The following SLC12A6 variants were observed in gnomAD, a reference collection of about 807,000 sequenced individuals.
SLC12A6 encodes the protein K-Cl cotransporter 3.
In SLC12A6, 66 loss-of-function variants were observed where a neutral mutation model predicts 135.3. The ratio of observed to expected loss-of-function variants is 0.49; its 90% CI spans 0.40 to 0.60. The LOEUF is 0.60. SLC12A6 is among the 20% of genes least tolerant of loss of function. The probability of loss-of-function intolerance (pLI) is 0.00; values close to 1 mark genes in which losing one functional copy is unlikely to be tolerated. For synonymous variants in SLC12A6, 513 were observed against 508.8 expected (o/e 1.01, Z -0.11); for missense variants, 1,058 against 1,452.3 (o/e 0.73, Z 4.41).
chr15:34,243,342 A>C (rs1039342473), intron 16 of SLC12A6, among the ~76,000 whole-genome samples: 2 of 152,238 alleles, frequency 1.3e-5, no homozygotes, highest in Non-Finnish European at 2.9e-5. Context: ...GAAAGTTAGC[A>C]AAGAAGAATG....
rs1426374277 is a variant in SLC12A6 at position 34,237,542 on chromosome 15, T to C, written c.2811A>G (p.Arg937=). ...CTGTGAAGATCCGTATGCTGCACTT[T>C]CGCCACACCTGAGAGAGTGACATAC... ...PFLLKQHKVW[R]KCSIRIFTVA... is the part of the protein sequence containing the mutation. Residue 937 remains arginine, a synonymous_variant, in exon 22 of 26, where the codon CGA becomes CGG. Transcript: ENST00000354181. The C allele has an allele frequency of 3.1e-6, 5 of 1,612,438 alleles. No individual in the cohort carries two copies. In the South Asian group the frequency reaches 3.3e-5, roughly 11 times the overall value.
chr15:34,255,688 T>G (rs1207580136), intron 7 of SLC12A6, among the ~76,000 whole-genome samples: 1 of 152,110 alleles, frequency 6.6e-6, no homozygotes, highest in Non-Finnish European at 1.5e-5. Context: ...AAATATATTC[T>G]GGCTGGGTGT....
At chr15:34,310,174 AGTGTGTGT>A (rs60783164) in intron 2 of SLC12A6, among the ~76,000 whole-genome samples, 7,800 of 127,830 alleles carry the variant, frequency 0.061, 939 homozygotes, top group African/African-American at 0.24. Flanking sequence ...ACGCCCAGCT[AGTGTGTGT>A]GTGTGTGTGT....
chr15:34,254,678 G>A, intron 8 of SLC12A6, 89 bp from the exon 9 acceptor site: 1 of 1,012,638 alleles, frequency 9.9e-7, no homozygotes, highest in Non-Finnish European at 1.5e-6. Context: ...TTTCACAAAA[G>A]AAAGCAAAGC....
chr15:34,291,657 A>G (rs1165588537), intron 2 of SLC12A6, among the ~76,000 whole-genome samples: 1 of 151,938 alleles, frequency 6.6e-6, no homozygotes, highest in Non-Finnish European at 1.5e-5. Context: ...ATAGTCCCAT[A>G]TTTCTTGGAG....
chr15:34,299,514 G>A (rs1371059965), intron 2 of SLC12A6: 1 of 152,182 alleles, frequency 6.6e-6, no homozygotes, highest in Non-Finnish European at 1.5e-5. Flanking sequence ...TGCAGTGGGT[G>A]ACTAAAGTAC....
At chr15:34,254,232 CTG>C (rs1296659679) in intron 9 of SLC12A6, 114 bp downstream of exon 9, 1 of 1,100,490 alleles carries the variant, frequency 9.1e-7, no homozygotes, top group East Asian at 2.3e-5. Context: ...CTGGGCTTAT[CTG>C]AGAGGGAAAA....
intron 3 of SLC12A6, among the ~76,000 whole-genome samples, chr15:34,270,679 T>C (rs1893853234): frequency 6.6e-6 from 1 of 152,020 alleles, no homozygotes; most frequent in Non-Finnish European, 1.5e-5. Flanking sequence ...GGTGGGTCCC[T>C]GTAATCCCAG....
intron 6 of SLC12A6, among the ~76,000 whole-genome samples, chr15:34,256,687 C>A (rs1892771557): frequency 1.3e-5 from 2 of 152,190 alleles, no homozygotes; most frequent in African/African-American, 4.8e-5. Context: ...TCACTGAAGG[C>A]TTCTGAGCAC....
At position 34,235,412 on chromosome 15, in the gene SLC12A6, T is replaced by G. The variant is rs1242423050; in HGVS notation, c.3228-98A>C. 5.6e-6 allele frequency: 5 copies of G among 891,454 alleles called. 1 individual carries two copies. The highest frequency in any genetic ancestry group is 8.9e-6 in the Non-Finnish European group (5 of 561,242). The allele number at this position is 891,454 out of a possible 1,614,324, so 55.2% of individuals were successfully genotyped here. A position where few individuals can be genotyped will look rare whatever the true frequency, so the allele number is the denominator to read the frequency against. ...GATCCTGAGCTTTTTCACTTGACTA[T>G]GGATAATCTGATAAAATGATTTTTT... On this transcript the variant is annotated intron_variant, in intron 24 of 25. Transcript: ENST00000354181.
chr15:34,330,399 G>A (rs1012491259), intron 2 of SLC12A6, among the ~76,000 whole-genome samples: 30 of 152,140 alleles, frequency 2.0e-4, no homozygotes, highest in South Asian at 6.2e-4. Context: ...CCAGCTGGGC[G>A]CGGTGGCTCA....
intron 4 of SLC12A6, among the ~76,000 whole-genome samples, chr15:34,260,337 C>A (rs1893029405): frequency 6.6e-6 from 1 of 152,218 alleles, no homozygotes; most frequent in Non-Finnish European, 1.5e-5. Flanking sequence ...TGGCTCACTG[C>A]AAGCTCTGCC....
chr15:34,238,050 T>A (rs894539115), intron 21 of SLC12A6, among the ~76,000 whole-genome samples, 182 bp downstream of exon 21: 3 of 152,172 alleles, frequency 2.0e-5, no homozygotes, highest in African/African-American at 7.2e-5. Flanking sequence ...TAAGTAGGTA[T>A]CAAATACAAA....
rs1890884549 is a variant in SLC12A6 at position 34,230,987 on chromosome 15, C to G, written c.*2894G>C. 2 of 152,170 alleles carry G rather than the reference C, an allele frequency of 1.3e-5. No homozygotes were observed. Among genetic ancestry groups the G allele is most frequent in the South Asian group, 4.1e-4 (2 of 4,836 alleles). 9.4% of individuals were successfully genotyped at this position (152,170 alleles called of 1,614,324 possible). A position where few individuals can be genotyped will look rare whatever the true frequency, so the allele number is the denominator to read the frequency against. ...TTCTACATGGAAAAAAAAAATATTA[C>G]TTTGGCCAGGGGTGTGTGTAAATGT... On this transcript the variant is annotated 3_prime_UTR_variant, in exon 26 of 26. Coordinates refer to ENST00000354181, the MANE Select transcript of SLC12A6 (RefSeq NM_001365088.1).
At chr15:34,285,717 T>TGTGTATACACACACACACACACACA (rs144158165) in intron 2 of SLC12A6, among the ~76,000 whole-genome samples, 2 of 131,106 alleles carry the variant, frequency 1.5e-5, no homozygotes, top group African/African-American at 6.0e-5. Context: ...TGTGTGTTTG[T>TGTGTATACACACACACACACACACA]CATACATAAA....
chr15:34,318,443 C>T (rs1888806921), intron 2 of SLC12A6: 5 of 841,024 alleles, frequency 5.9e-6, no homozygotes, highest in Non-Finnish European at 1.0e-5. Context: ...AACTGAAAAA[C>T]ACCTCAACCA....
At chr15:34,298,460 G>A (rs906661962) in intron 2 of SLC12A6, among the ~76,000 whole-genome samples, 1 of 151,110 alleles carries the variant, frequency 6.6e-6, no homozygotes, top group African/African-American at 2.4e-5. Flanking sequence ...AGGCGACAGA[G>A]TGAGACTCTG....
intron 2 of SLC12A6, among the ~76,000 whole-genome samples, chr15:34,311,844 T>C (rs1888281793): frequency 6.6e-6 from 1 of 151,658 alleles, no homozygotes; most frequent in South Asian, 2.1e-4. Flanking sequence ...CTCTCATTCC[T>C]TTGTATTGTT....
intron 3 of SLC12A6, among the ~76,000 whole-genome samples, chr15:34,271,045 C>T (rs949798200): frequency 1.5e-4 from 23 of 152,088 alleles, no homozygotes; most frequent in Middle Eastern, 3.4e-3. Context: ...TAGAGGAAAC[C>T]GCCCCCATGA....
Sources: allele counts gnomAD v4.1 joint callset (sites outside exome capture counted in the v4.1 genomes callset), GRCh38; gene constraint gnomAD v4.1.1; transcripts MANE v1.5; gene names NCBI Gene and HGNC (gene_info 2026-07-23, HGNC 2026-07-21).